CTSH: variants seen among roughly 807,000 people sequenced by gnomAD.
The protein encoded by CTSH is cathepsin H.
Under a neutral mutation model 56.3 loss-of-function variants are expected in CTSH, and 52 were observed. That is an observed-to-expected ratio of 0.92 (90% CI 0.74 to 1.16). CTSH has a LOEUF of 1.16. Among genes scored for constraint, CTSH ranks in the 50% most tolerant of loss-of-function variants. The pLI is 0.00. For missense variants in CTSH, 406 were observed against 424.5 expected (o/e 0.96, Z 0.38); for synonymous variants, 174 against 155.7 (o/e 1.12, Z -0.88).
At chr15:78,922,901 AAG>A in intron 11 of CTSH, 90 bp downstream of exon 11, 1 of 1,466,800 alleles carries the variant, frequency 6.8e-7, no homozygotes, top group East Asian at 2.4e-5. Flanking sequence ...TCGTCTGTGG[AAG>A]CCGTAACTCT....
chr15:78,937,910 T>C (rs1224448534), intron 2 of CTSH: 1 of 839,450 alleles, frequency 1.2e-6, no homozygotes, highest in Non-Finnish European at 1.7e-6. Context: ...ATTCATATAA[T>C]GTGTAATAAT....
chr15:78,942,539 A>G (rs899878901), intron 1 of CTSH, among the ~76,000 whole-genome samples: 2 of 152,170 alleles, frequency 1.3e-5, no homozygotes, highest in East Asian at 1.9e-4. Context: ...TTAAGACCTC[A>G]TCAGTTGATA....
At chr15:78,927,020 TC>T (rs1183784955) in intron 9 of CTSH, 4 of 152,288 alleles carry the variant, frequency 2.6e-5, no homozygotes, top group Non-Finnish European at 5.9e-5. Flanking sequence ...ATTCCTCCAC[TC>T]CTCACACACC....
intron 1 of CTSH, 120 bp downstream of exon 1, chr15:78,944,771 C>A: frequency 7.2e-7 from 1 of 1,385,796 alleles, no homozygotes; most frequent in Non-Finnish European, 9.4e-7. Context: ...AGTTCCTGGC[C>A]TCTCACCGGG....
intron 1 of CTSH, chr15:78,944,685 C>T (rs2055358191): frequency 2.0e-6 from 2 of 986,926 alleles, no homozygotes; most frequent in African/African-American, 3.3e-5. Flanking sequence ...ATCTGCTCCT[C>T]TGGTCCTACA....
intron 8 of CTSH, among the ~76,000 whole-genome samples, chr15:78,928,821 C>A (rs910336495): frequency 1.3e-5 from 2 of 152,028 alleles, no homozygotes; most frequent in Non-Finnish European, 2.9e-5. Flanking sequence ...AGCAGGCTGG[C>A]GGCAGGGTGG....
intron 10 of CTSH, among the ~76,000 whole-genome samples, chr15:78,923,610 C>T (rs963125270): frequency 3.9e-5 from 6 of 152,142 alleles, no homozygotes; most frequent in South Asian, 2.1e-4. Context: ...TTTGGTTCTT[C>T]TGCTTCTGTC....
At position 78,932,406 on chromosome 15, in the gene CTSH, G is replaced by A. The variant is rs1303526545; in HGVS notation, c.458C>T (p.Ala153Val). Residue 153 changes from alanine (A) to valine (V), a missense_variant, in exon 6 of 12, where the codon GCG (alanine) becomes GTG (valine). Coordinates refer to ENST00000220166, the MANE Select transcript of CTSH (RefSeq NM_004390.5). ...TFSTTGALES[A>V]IAIATGKMLS... is the part of the protein sequence containing the mutation. ...CATCTTTCCGGTTGCGATGGCGATC[G>A]CAGACTCCAGGGCCCCAGTGGTGGA... 7 of 1,614,096 alleles carry A rather than the reference G, an allele frequency of 4.3e-6. No individual in the cohort carries two copies. Among genetic ancestry groups the A allele is most frequent in the East Asian group, 2.2e-5 (1 of 44,882 alleles).
intron 9 of CTSH, 137 bp from the exon 10 acceptor site, chr15:78,925,577 C>T: frequency 1.6e-6 from 1 of 608,450 alleles, no homozygotes; most frequent in Non-Finnish European, 3.0e-6. Context: ...CCTGCGGCCT[C>T]TCTCCCTTCC....
intron 1 of CTSH, among the ~76,000 whole-genome samples, chr15:78,943,534 ACTC>A (rs1370290035): frequency 6.6e-6 from 1 of 152,040 alleles, no homozygotes; most frequent in African/African-American, 2.4e-5. Context: ...CCGGTCCCTG[ACTC>A]CTGTTTTAGT....
intron 1 of CTSH, 31 bp from the exon 2 acceptor site, chr15:78,939,202 G>A (rs774975514): frequency 2.6e-6 from 4 of 1,567,144 alleles, no homozygotes; most frequent in South Asian, 1.2e-5. Flanking sequence ...TTAGGTCTGG[G>A]CGCATCACAG....
rs747764581 is a variant in CTSH, at chr15:78,932,411, C to T, written c.453G>A (p.Glu151=). The T allele has an allele frequency of 5.4e-5, 87 of 1,614,036 alleles. No homozygotes were observed. Among genetic ancestry groups the T allele is most frequent in the Non-Finnish European group, 7.0e-5 (83 of 1,180,020 alleles). ...TTCCGGTTGCGATGGCGATCGCAGACTCCAGGGCCCCAGTGGTGGAGAAAG... is the reference window on the plus strand; with the variant it reads ...TTCCGGTTGCGATGGCGATCGCAGATTCCAGGGCCCCAGTGGTGGAGAAAG... ...CWTFSTTGAL[E]SAIAIATGKM... Residue 151 remains glutamate (E), a synonymous_variant, in exon 6 of 12, where the codon GAG becomes GAA. Transcript: ENST00000220166.
chr15:78,932,090 C>T, intron 6 of CTSH: 1 of 1,264,812 alleles, frequency 7.9e-7, no homozygotes, highest in Non-Finnish European at 1.0e-6. Context: ...CAGGCTCCGC[C>T]TTTCTGAACC....
Position 78,922,025 on chromosome 15 carries a change from TC to T in CTSH, c.*104del. On this transcript the variant is annotated 3_prime_UTR_variant, in exon 12 of 12. Transcript: ENST00000220166. ...AGAGGTGAGGGCAGAATGTTGGGGG[TC>T]CCAGTGGATCTCCCCACAACTTCCT... 9.8e-7 allele frequency: 1 copy of T among 1,020,250 alleles called. No homozygotes were observed. Among genetic ancestry groups the T allele is most frequent in the Non-Finnish European group, 1.5e-6 (1 of 680,170 alleles). 63.2% of individuals were successfully genotyped at this position (1,020,250 alleles called of 1,614,324 possible).
At chr15:78,941,200 G>A (rs955927789) in intron 1 of CTSH, among the ~76,000 whole-genome samples, 1 of 151,556 alleles carries the variant, frequency 6.6e-6, no homozygotes, top group African/African-American at 2.4e-5. Context: ...GCTGAGGCAG[G>A]TGGATCATGA....
Position 78,944,961 on chromosome 15 carries a change from C to A in CTSH, c.21G>T (p.Leu7=). The A allele has an allele frequency of 6.5e-7, 1 of 1,545,770 alleles. No individual in the cohort carries two copies. The highest frequency in any genetic ancestry group is 8.7e-7 in the Non-Finnish European group (1 of 1,145,422). Residue 7 remains leucine (L), a synonymous_variant, in exon 1 of 12, where the codon CTG becomes CTT. Coordinates refer to ENST00000220166, the MANE Select transcript of CTSH (RefSeq NM_004390.5). MWATLP[L]LCAGAWLLGV... ...CCAGGAGCCAGGCCCCGGCGCAGAG[C>A]AGCGGCAGCGTGGCCCACATCGCAG...
intron 6 of CTSH, 139 bp downstream of exon 6, chr15:78,932,233 A>C (rs959293576): frequency 1.2e-6 from 1 of 844,340 alleles, no homozygotes; most frequent in Non-Finnish European, 1.8e-6. Context: ...CTCATGCCAG[A>C]TGTCCACAAG....
chr15:78,922,135 C>G lies in CTSH; in HGVS notation c.1003G>C (p.Val335Leu). 1.9e-6 allele frequency: 3 copies of G among 1,570,610 alleles called. No individual in the cohort carries two copies. The highest frequency in any genetic ancestry group is 2.6e-6 in the Non-Finnish European group (3 of 1,158,660). Residue 335 changes from valine (V) to leucine (L), a missense_variant, in exon 12 of 12, where the codon GTG becomes CTG. Physicochemically the swap from Val to Leu is conservative, Grantham distance 32. Coordinates refer to ENST00000220166, the MANE Select transcript of CTSH (RefSeq NM_004390.5). ...TGCGCTGCGGCTGCCACGGCTCACA[C>G]CAGAGGGATGGGGTAGGAGGCGCAG... ...AACASYPIPL[V>L]
chr15:78,924,392 G>C (rs541027483), intron 10 of CTSH, among the ~76,000 whole-genome samples: 1 of 152,224 alleles, frequency 6.6e-6, no homozygotes, highest in Non-Finnish European at 1.5e-5. Context: ...AACAGTGTGT[G>C]GGGGGTTAGG....
Sources: allele counts gnomAD v4.1 joint callset (sites outside exome capture counted in the v4.1 genomes callset), GRCh38; gene constraint gnomAD v4.1.1; transcripts MANE v1.5; gene names NCBI Gene and HGNC (gene_info 2026-07-23, HGNC 2026-07-21).